The following FLRT2 variants were observed in gnomAD, a reference collection of about 807,000 sequenced individuals.
FLRT2 encodes the protein fibronectin leucine rich transmembrane protein 2.
A neutral mutation model predicts 40.0 loss-of-function variants in FLRT2; 15 were observed. The ratio of observed to expected loss-of-function variants is 0.38; its 90% CI spans 0.25 to 0.58. The LOEUF (loss-of-function observed/expected upper bound fraction) is 0.58. FLRT2 is among the 20% of genes least tolerant of loss of function. The pLI, the probability that FLRT2 is intolerant of heterozygous loss-of-function variation, is 0.71. For missense variants in FLRT2, 726 were observed against 840.0 expected (o/e 0.86, Z 1.68); for synonymous variants, 380 against 336.8 (o/e 1.13, Z -1.41).
At chr14:85,566,559 G>GTGTGTGTGCA (rs1366625856) in intron 1 of FLRT2, among the ~76,000 whole-genome samples, 3 of 80,000 alleles carry the variant, frequency 3.7e-5, no homozygotes, top group Non-Finnish European at 1.1e-4. Context: ...TTGTGTGTGT[G>GTGTGTGTGCA]TGTGTGTGTG....
chr14:85,575,361 T>C (rs939965965), intron 1 of FLRT2, among the ~76,000 whole-genome samples: 2 of 152,040 alleles, frequency 1.3e-5, no homozygotes, highest in African/African-American at 2.4e-5. Context: ...AACTCAAAAA[T>C]ATCTACTAAT....
rs966270342 is a variant in FLRT2, at chr14:85,646,032, C to G, written c.*22535C>G. 1 of 150,570 alleles carries G rather than the reference C, an allele frequency of 6.6e-6. No individual in the cohort carries two copies. The highest frequency in any genetic ancestry group is 1.5e-5 in the Non-Finnish European group (1 of 67,898). The allele number at this position is 150,570 out of a possible 1,614,324, so 9.3% of individuals were successfully genotyped here. The stretch of plus-strand genomic sequence containing the variant: ...TAGATTTGCCTGCCTTGTAACCATG[C>G]CTTTGCATCTGTTTACTTACTTAAT... On this transcript the variant is annotated 3_prime_UTR_variant, in exon 2 of 2. Coordinates refer to ENST00000330753, the MANE Select transcript of FLRT2 (RefSeq NM_013231.6).
At chr14:85,581,073 T>C (rs1366164277) in intron 1 of FLRT2, among the ~76,000 whole-genome samples, 2 of 152,244 alleles carry the variant, frequency 1.3e-5, no homozygotes, top group African/African-American at 4.8e-5. Context: ...TATTTCGGCT[T>C]TTAATTTCTA....
At chr14:85,581,047 G>A (rs1011979250) in intron 1 of FLRT2, among the ~76,000 whole-genome samples, 1 of 151,980 alleles carries the variant, frequency 6.6e-6, no homozygotes, top group Non-Finnish European at 1.5e-5. Context: ...TCTTTATCTT[G>A]CAACAGGCAT....
chr14:85,593,516 T>C (rs1891997383), intron 1 of FLRT2, among the ~76,000 whole-genome samples: 1 of 152,184 alleles, frequency 6.6e-6, no homozygotes, highest in African/African-American at 2.4e-5. Context: ...TGAGTGCCAG[T>C]AGGGTTTTCA....
intron 1 of FLRT2, among the ~76,000 whole-genome samples, chr14:85,531,741 C>T (rs538689393): frequency 2.0e-5 from 3 of 152,262 alleles, no homozygotes; most frequent in Admixed American, 2.0e-4. Flanking sequence ...CCCCGGGATA[C>T]GTATTAGTCA....
At chr14:85,566,124 G>T (rs554412204) in intron 1 of FLRT2, among the ~76,000 whole-genome samples, 1 of 152,276 alleles carries the variant, frequency 6.6e-6, no homozygotes, top group East Asian at 1.9e-4. Context: ...AAATTTGCAA[G>T]TGCTATTATG....
chr14:85,575,315 A>G (rs76706002), intron 1 of FLRT2, among the ~76,000 whole-genome samples: 2 of 151,894 alleles, frequency 1.3e-5, no homozygotes. Context: ...AGGTGAGGAC[A>G]GTTTGATTAG....
intron 1 of FLRT2, among the ~76,000 whole-genome samples, chr14:85,582,405 A>G (rs546007017): frequency 1.1e-4 from 17 of 152,198 alleles, no homozygotes; most frequent in Non-Finnish European, 1.8e-4. Context: ...CAATACTACT[A>G]ATTGATTGTG....
At chr14:85,601,541 G>C (rs1309539072) in intron 1 of FLRT2, among the ~76,000 whole-genome samples, 3 of 152,096 alleles carry the variant, frequency 2.0e-5, no homozygotes, top group African/African-American at 7.2e-5. Flanking sequence ...AAGCCCTGAA[G>C]ACCTTCCCAG....
intron 1 of FLRT2, among the ~76,000 whole-genome samples, chr14:85,591,030 C>CT (rs1457263656): frequency 6.6e-6 from 1 of 151,616 alleles, no homozygotes; most frequent in Non-Finnish European, 1.5e-5. Context: ...TCTTCTTTAT[C>CT]TTTTTTGGGA....
At chr14:85,586,788 G>A (rs943640003) in intron 1 of FLRT2, among the ~76,000 whole-genome samples, 5 of 152,112 alleles carry the variant, frequency 3.3e-5, no homozygotes, top group Non-Finnish European at 5.9e-5. Flanking sequence ...AAATTTTAAC[G>A]CCATTCAGGC....
chr14:85,636,781 TAGC>T lies in FLRT2; in HGVS notation c.*13287_*13289del, dbSNP rs1319075013. 2 of 151,568 alleles carry T rather than the reference TAGC, an allele frequency of 1.3e-5. No homozygotes were observed. The highest frequency in any genetic ancestry group is 1.3e-4 in the Admixed American group (2 of 15,214). 9.4% of individuals were successfully genotyped at this position (151,568 alleles called of 1,614,324 possible). ...CCGCCTTTACTAAAAATACAAAAAT[TAGC>T]AGGGTATGGTGGCAGGCGCCTGTTA... is the stretch of plus-strand genomic sequence containing the variant. On this transcript the variant is annotated 3_prime_UTR_variant, in exon 2 of 2. Transcript: ENST00000330753.
chr14:85,532,516 A>G (rs1888349346), intron 1 of FLRT2, among the ~76,000 whole-genome samples: 1 of 152,366 alleles, frequency 6.6e-6, no homozygotes, highest in South Asian at 2.1e-4. Context: ...TTGCCTGTAC[A>G]GAAATCAGGC....
intron 1 of FLRT2, among the ~76,000 whole-genome samples, chr14:85,555,203 T>A (rs548408872): frequency 6.6e-6 from 1 of 152,334 alleles, no homozygotes; most frequent in South Asian, 2.1e-4. Flanking sequence ...GCAGTCCTGA[T>A]AACCTTGCTG....
At position 85,553,072 on chromosome 14, in the gene FLRT2, C is replaced by A. The variant is rs542928008; in HGVS notation, c.-377+22538C>A. ...GATACAGTGAATAAGGTGGGGAATA[C>A]CTAAGAGAGCAGCCCCCTTTCACCC... On this transcript the variant is annotated intron_variant, in intron 1 of 1. Coordinates refer to ENST00000330753, the MANE Select transcript of FLRT2 (RefSeq NM_013231.6). Among the ~76,000 whole-genome samples, 12 of 152,200 alleles carry A rather than the reference C, an allele frequency of 7.9e-5. No homozygotes were observed. The South Asian group carries it at 2.5e-3, about 32-fold the overall frequency.
intron 1 of FLRT2, among the ~76,000 whole-genome samples, chr14:85,542,736 A>G (rs1426762169): frequency 3.3e-5 from 5 of 152,204 alleles, no homozygotes; most frequent in African/African-American, 2.4e-5. Context: ...GCTGACAGCA[A>G]TGGAATTTAA....
At chr14:85,571,221 T>C (rs944471184) in intron 1 of FLRT2, among the ~76,000 whole-genome samples, 2 of 152,220 alleles carry the variant, frequency 1.3e-5, no homozygotes, top group African/African-American at 2.4e-5. Context: ...AATCCCATCA[T>C]GTTAACTTAG....
At chr14:85,539,830 A>G (rs1888880413) in intron 1 of FLRT2, among the ~76,000 whole-genome samples, 1 of 152,246 alleles carries the variant, frequency 6.6e-6, no homozygotes, top group South Asian at 2.1e-4. Context: ...ACCAAGACAG[A>G]GTCCTGCCTT....
Sources: gnomAD v4.1 joint callset for allele counts (sites outside exome capture counted in the v4.1 genomes callset) on GRCh38, gnomAD v4.1.1 for gene constraint, MANE v1.5 for transcripts, NCBI Gene and HGNC (gene_info 2026-07-23, HGNC 2026-07-21) for gene names.